Variants in CR1 observed in about 807,000 individuals in gnomAD.
CR1 encodes the protein complement receptor type 1.
In CR1, 116 loss-of-function variants were observed where a neutral mutation model predicts 187.3. That is an observed-to-expected ratio of 0.62 (90% CI 0.53 to 0.72). The LOEUF is 0.72. Ranked by LOEUF, CR1 falls within the 30% of genes least tolerant of loss-of-function variation. The pLI is 0.00. For synonymous variants in CR1, 576 were observed against 747.1 expected (o/e 0.77, Z 3.73); for missense variants, 1,731 against 2,110.7 (o/e 0.82, Z 3.52).
chr1:207,601,771 AT>A (rs1661612851), intron 35 of CR1, among the ~76,000 whole-genome samples: 1 of 151,468 alleles, frequency 6.6e-6, no homozygotes, highest in African/African-American at 2.4e-5. Flanking sequence ...TGTTTGTTTC[AT>A]TGTTATTGAG....
rs1659418468 is a variant in CR1, at chr1:207,505,994, A to G, written c.212A>G (p.Tyr71Cys). Reference protein sequence around the residue: ...FEFPIGTYLNYECRPGYSGRP... With the variant: ...FEFPIGTYLNCECRPGYSGRP... ...TTTCCCATTGGGACATATCTGAACT[A>G]TGAATGCCGCCCTGGTTATTCCGGA... The change falls in exon 2 of 47, where the codon TAT becomes TGT. Residue 71 changes from tyrosine (Y) to cysteine (C), a missense_variant. Coordinates refer to ENST00000367049, the MANE Select transcript of CR1 (RefSeq NM_000651.6). The G allele has an allele frequency of 4.3e-6, 7 of 1,613,982 alleles. No homozygotes were observed. The highest frequency in any genetic ancestry group is 5.9e-6 in the Non-Finnish European group (7 of 1,179,866).
chr1:207,512,647 G>T (rs1659659291), intron 4 of CR1, among the ~76,000 whole-genome samples: 1 of 152,096 alleles, frequency 6.6e-6, no homozygotes, highest in Non-Finnish European at 1.5e-5. Flanking sequence ...GTTTACAAAT[G>T]ACATTGGTCA....
intron 3 of CR1, among the ~76,000 whole-genome samples, chr1:207,510,147 C>T (rs1457021786): frequency 6.6e-6 from 1 of 152,016 alleles, no homozygotes; most frequent in Non-Finnish European, 1.5e-5. Context: ...GTGGAGGTTG[C>T]AGTGAGCCAA....
At chr1:207,595,140 G>A (rs1471171703) in intron 35 of CR1, among the ~76,000 whole-genome samples, 17 of 138,426 alleles carry the variant, frequency 1.2e-4, no homozygotes, top group South Asian at 2.2e-4. Context: ...CCCAACCCCC[G>A]GAAAAAAAAA....
chr1:207,574,230 C>T (rs1266156423), intron 27 of CR1, among the ~76,000 whole-genome samples: 1 of 152,076 alleles, frequency 6.6e-6, no homozygotes, highest in African/African-American at 2.4e-5. Context: ...CCATACCTAG[C>T]CATCACTAGG....
chr1:207,609,192 G>C, intron 36 of CR1, 98 bp from the exon 37 acceptor site: 1 of 1,184,768 alleles, frequency 8.4e-7, no homozygotes. Context: ...ATTCCATTTA[G>C]AAAATCATTG....
intron 37 of CR1, 94 bp downstream of exon 37, chr1:207,609,782 A>C: frequency 7.7e-7 from 1 of 1,298,144 alleles, no homozygotes; most frequent in Non-Finnish European, 1.0e-6. Flanking sequence ...AAGGACTATG[A>C]AATTGGCATA....
chr1:207,601,061 G>A (rs975343713), intron 35 of CR1, among the ~76,000 whole-genome samples: 11 of 151,682 alleles, frequency 7.3e-5, no homozygotes, highest in Admixed American at 6.6e-4. Flanking sequence ...TATATAAAAG[G>A]CTGCTGGAGT....
intron 5 of CR1, among the ~76,000 whole-genome samples, chr1:207,525,065 A>C (rs575776272): frequency 1.3e-5 from 2 of 152,108 alleles, no homozygotes; most frequent in Non-Finnish European, 2.9e-5. Flanking sequence ...CAGGAGAGAG[A>C]GAGAGAGCAA....
chr1:207,567,599 G>T (rs920159400), intron 24 of CR1, among the ~76,000 whole-genome samples: 1 of 150,160 alleles, frequency 6.7e-6, no homozygotes, highest in East Asian at 1.9e-4. Context: ...AGTTTCTACT[G>T]TCCAGGAACT....
intron 45 of CR1, among the ~76,000 whole-genome samples, chr1:207,629,222 C>A (rs1465200642): frequency 1.3e-5 from 2 of 152,166 alleles, no homozygotes; most frequent in African/African-American, 4.8e-5. Flanking sequence ...GTCAAAATTT[C>A]AAAGTTTCCA....
intron 41 of CR1, among the ~76,000 whole-genome samples, chr1:207,617,507 A>ATATATATATATATATATATATGTG (rs1332301171): frequency 6.2e-4 from 29 of 47,000 alleles, no homozygotes; most frequent in Non-Finnish European, 1.2e-3. Context: ...ATATATATAT[A>ATATATATATATATATATATATGTG]TGTGTGTGTG....
intron 4 of CR1, among the ~76,000 whole-genome samples, chr1:207,513,213 T>C (rs1386048443): frequency 6.6e-6 from 1 of 152,242 alleles, no homozygotes; most frequent in Non-Finnish European, 1.5e-5. Context: ...TCCTCTTCAA[T>C]CAAATCATTC....
chr1:207,580,425 A>G lies in CR1; in HGVS notation c.5113+9A>G, dbSNP rs1660897898. 6.2e-7 allele frequency: 1 copy of G among 1,611,206 alleles called. No individual in the cohort carries two copies. Among genetic ancestry groups the G allele is most frequent in the South Asian group, 1.1e-5 (1 of 90,688 alleles). Reference sequence around the variant, plus strand: ...AGCCCCGAGATGTGCAGGTGCCTCAACTCTCTGGCTTCCAGATTTCTCTCT... The same window carrying G: ...AGCCCCGAGATGTGCAGGTGCCTCAGCTCTCTGGCTTCCAGATTTCTCTCT... On this transcript the variant is annotated intron_variant, in intron 30 of 46. Coordinates refer to ENST00000367049, the MANE Select transcript of CR1 (RefSeq NM_000651.6).
intron 4 of CR1, among the ~76,000 whole-genome samples, chr1:207,515,156 C>CGTGT (rs1355015595): frequency 1.5e-4 from 12 of 82,740 alleles, no homozygotes; most frequent in Non-Finnish European, 1.6e-4. Context: ...CGTATATATA[C>CGTGT]ATATACATAT....
chr1:207,514,222 T>C (rs1659714666), intron 4 of CR1, among the ~76,000 whole-genome samples: 1 of 152,368 alleles, frequency 6.6e-6, no homozygotes, highest in African/African-American at 2.4e-5. Flanking sequence ...TTTTTATATA[T>C]GGCAAATATG....
intron 35 of CR1, among the ~76,000 whole-genome samples, chr1:207,601,415 A>G (rs533627379): frequency 3.9e-5 from 6 of 152,254 alleles, no homozygotes; most frequent in East Asian, 1.9e-4. Flanking sequence ...CATATTTTCA[A>G]TTCTTTTAGG....
chr1:207,588,694 A>G lies in CR1; in HGVS notation c.5730A>G (p.Pro1910=), dbSNP rs1209326298. ...DNCRRKSCGP[P]PEPFNGMVHI... ...CCCTAGGAAAATCATGTGGACCTCC[A>G]CCAGAACCCTTCAATGGAATGGTGC... Residue 1910 remains proline (P), a synonymous_variant, in exon 35 of 47, where the codon CCA becomes CCG. Coordinates refer to ENST00000367049, the MANE Select transcript of CR1 (RefSeq NM_000651.6). 1 of 1,612,946 alleles carries G rather than the reference A, an allele frequency of 6.2e-7. No individual in the cohort carries two copies.
intron 40 of CR1, among the ~76,000 whole-genome samples, chr1:207,616,157 C>T (rs6681756): frequency 0.07 from 10,678 of 152,140 alleles, 1,260 homozygotes; most frequent in African/African-American, 0.24. Flanking sequence ...AAGATGATAG[C>T]TCATGTTTAT....
Sources: allele counts gnomAD v4.1 joint callset (sites outside exome capture counted in the v4.1 genomes callset), GRCh38; gene constraint gnomAD v4.1.1; transcripts MANE v1.5; gene names NCBI Gene and HGNC (gene_info 2026-07-23, HGNC 2026-07-21).